The following DPP10 variants were observed in gnomAD, a reference collection of about 807,000 sequenced individuals.
DPP10 encodes inactive dipeptidyl peptidase 10.
DPP10 carries 33 observed loss-of-function variants against 120.9 expected under a neutral mutation model. The ratio of observed to expected loss-of-function variants is 0.27; its 90% CI spans 0.21 to 0.37. DPP10 has a LOEUF of 0.37. DPP10 is among the 10% of genes least tolerant of loss of function. DPP10 has a pLI of 1.00. For synonymous variants in DPP10, 337 were observed against 326.1 expected (o/e 1.03, Z -0.36); for missense variants, 816 against 942.8 (o/e 0.87, Z 1.76).
intron 1 of DPP10, among the ~76,000 whole-genome samples, chr2:115,305,071 A>T (rs1322981786): frequency 6.6e-6 from 1 of 152,088 alleles, no homozygotes; most frequent in African/African-American, 2.4e-5. Context: ...CAACTGATGC[A>T]TCCATCCACC....
intron 1 of DPP10, among the ~76,000 whole-genome samples, chr2:114,512,200 T>C (rs967984379): frequency 6.6e-6 from 1 of 152,214 alleles, no homozygotes; most frequent in Non-Finnish European, 1.5e-5. Context: ...TTCTTCTGAA[T>C]TAGTGAACCC....
At chr2:115,368,571 T>A (rs892836523) in intron 3 of DPP10, among the ~76,000 whole-genome samples, 10 of 152,164 alleles carry the variant, frequency 6.6e-5, no homozygotes, top group African/African-American at 2.4e-4. Context: ...TTGCAGTATT[T>A]AAATTAAATC....
intron 1 of DPP10, among the ~76,000 whole-genome samples, chr2:114,521,847 G>A (rs1196115121): frequency 5.5e-5 from 7 of 127,384 alleles, no homozygotes; most frequent in African/African-American, 1.5e-4. Context: ...TCGCTCTGTC[G>A]CCCAGGCTGG....
In DPP10 at chr2:115,140,430, C is replaced by T. The variant is rs77394697; in HGVS notation, c.61-168809C>T. Among the ~76,000 whole-genome samples, 26 of 152,266 alleles carry T rather than the reference C, an allele frequency of 1.7e-4. No individual in the cohort carries two copies. In the East Asian group the frequency reaches 4.1e-3, roughly 24 times the overall value. ...CTCAGAGCTGGTGATAACAAAGAGGCGAGATCAATCAGAACCTTTTGGCCG... is the reference window on the plus strand; with the variant it reads ...CTCAGAGCTGGTGATAACAAAGAGGTGAGATCAATCAGAACCTTTTGGCCG... On this transcript the variant is annotated intron_variant, in intron 1 of 25. Transcript: ENST00000410059.
chr2:114,847,422 T>C (rs1688628808), intron 1 of DPP10, among the ~76,000 whole-genome samples: 1 of 152,210 alleles, frequency 6.6e-6, no homozygotes, highest in South Asian at 2.1e-4. Context: ...ATTGCTGTTT[T>C]TGATCAGTGA....
chr2:115,165,533 T>C (rs1290318499), intron 1 of DPP10, among the ~76,000 whole-genome samples: 3 of 152,228 alleles, frequency 2.0e-5, no homozygotes, highest in African/African-American at 7.2e-5. Flanking sequence ...TTAGTTAATA[T>C]CACGCTACTG....
chr2:115,697,310 A>G (rs1201893253), intron 7 of DPP10, among the ~76,000 whole-genome samples: 2 of 152,048 alleles, frequency 1.3e-5, no homozygotes, highest in Non-Finnish European at 2.9e-5. Flanking sequence ...ATATAATATG[A>G]TTCAACTACA....
chr2:114,854,269 G>C (rs1242020679), intron 1 of DPP10, among the ~76,000 whole-genome samples: 1 of 152,168 alleles, frequency 6.6e-6, no homozygotes, highest in Non-Finnish European at 1.5e-5. Context: ...GTAGTGAGTT[G>C]TCAATAATGT....
chr2:114,487,429 A>G (rs140296298), intron 1 of DPP10, among the ~76,000 whole-genome samples: 1 of 152,258 alleles, frequency 6.6e-6, no homozygotes, highest in Non-Finnish European at 1.5e-5. Context: ...CACTCTTCCT[A>G]ATTGTGGTGG....
chr2:114,582,318 G>A (rs542581823), intron 1 of DPP10, among the ~76,000 whole-genome samples: 5 of 152,162 alleles, frequency 3.3e-5, no homozygotes, highest in South Asian at 2.1e-4. Flanking sequence ...GTCTAGGTGC[G>A]CCATAATTTA....
At chr2:115,380,490 T>A (rs1438587151) in intron 3 of DPP10, among the ~76,000 whole-genome samples, 2 of 152,178 alleles carry the variant, frequency 1.3e-5, no homozygotes, top group African/African-American at 4.8e-5. Context: ...CACTGATAGG[T>A]CTTGACTCTT....
In DPP10 at chr2:114,936,926, C is replaced by A. The variant is rs1696530855; in HGVS notation, c.61-372313C>A. Among the ~76,000 whole-genome samples the A allele has an allele frequency of 2.6e-5, 4 of 152,168 alleles. No homozygotes were observed. In the South Asian group the frequency reaches 6.2e-4, roughly 24 times the overall value. On this transcript the variant is annotated intron_variant, in intron 1 of 25. Coordinates refer to ENST00000410059, the MANE Select transcript of DPP10 (RefSeq NM_020868.6). ...TGTCTATTCATGTCCTTAGCCCACT[C>A]TTTGGTGGGACTGTCTGGTTTTCTT...
At chr2:115,686,776 C>T (rs1209496760) in intron 5 of DPP10, among the ~76,000 whole-genome samples, 2 of 152,044 alleles carry the variant, frequency 1.3e-5, no homozygotes, top group Non-Finnish European at 1.5e-5. Context: ...TCTGTCCACT[C>T]CCACTGCCTT....
chr2:114,801,051 C>A (rs1044297198), intron 1 of DPP10, among the ~76,000 whole-genome samples: 3 of 151,720 alleles, frequency 2.0e-5, no homozygotes, highest in Non-Finnish European at 2.9e-5. Context: ...ATCACGAGGT[C>A]AGGAGATCGA....
At chr2:115,162,534 C>T (rs1374835052) in intron 1 of DPP10, among the ~76,000 whole-genome samples, 2 of 152,040 alleles carry the variant, frequency 1.3e-5, no homozygotes, top group African/African-American at 2.4e-5. Flanking sequence ...TTTGAGGAGA[C>T]GGGTGTGTGT....
At chr2:114,976,899 C>A (rs1182628078) in intron 1 of DPP10, among the ~76,000 whole-genome samples, 1 of 152,098 alleles carries the variant, frequency 6.6e-6, no homozygotes, top group African/African-American at 2.4e-5. Flanking sequence ...CATCAATTAT[C>A]TTTACCTTCA....
At chr2:115,744,844 A>G (rs1677742780) in intron 9 of DPP10, among the ~76,000 whole-genome samples, 1 of 150,172 alleles carries the variant, frequency 6.7e-6, no homozygotes, top group Non-Finnish European at 1.5e-5. Context: ...TGTTTATTGG[A>G]TTTTTTAATT....
intron 4 of DPP10, among the ~76,000 whole-genome samples, chr2:115,512,380 G>A (rs1173119720): frequency 1.3e-5 from 2 of 152,148 alleles, no homozygotes; most frequent in African/African-American, 4.8e-5. Flanking sequence ...TTACAGACAT[G>A]AGCCACCGCA....
intron 1 of DPP10, among the ~76,000 whole-genome samples, chr2:115,034,730 T>A (rs1704104081): frequency 6.6e-6 from 1 of 152,214 alleles, no homozygotes; most frequent in South Asian, 2.1e-4. Flanking sequence ...CATTGACTTC[T>A]CACTCTTCCT....
Sources: gnomAD v4.1 joint callset for allele counts (sites outside exome capture counted in the v4.1 genomes callset) on GRCh38, gnomAD v4.1.1 for gene constraint, MANE v1.5 for transcripts, NCBI Gene and HGNC (gene_info 2026-07-23, HGNC 2026-07-21) for gene names.